UBR3: variants seen among roughly 807,000 people sequenced by gnomAD.
The protein encoded by UBR3 is E3 ubiquitin-protein ligase UBR3.
A neutral mutation model predicts 243.2 loss-of-function variants in UBR3; 85 were observed. That is an observed-to-expected ratio of 0.35 (90% confidence interval 0.29 to 0.42). The LOEUF is 0.42. Ranked by LOEUF, UBR3 falls within the 10% of genes least tolerant of loss-of-function variation. The probability of loss-of-function intolerance (pLI) is 1.00; values close to 1 mark genes in which losing one functional copy is unlikely to be tolerated. For missense variants in UBR3, 1,686 were observed against 2,300.8 expected, an observed-to-expected ratio of 0.73 and a Z score of 5.47; for synonymous variants, 748 against 799.8, an observed-to-expected ratio of 0.94 and a Z score of 1.09.
At position 169,880,903 on chromosome 2, in the gene UBR3, C is replaced by T. The variant is rs193196106; in HGVS notation, c.1038+2329C>T. Among the ~76,000 whole-genome samples the T allele has an allele frequency of 1.9e-3, 285 of 152,232 alleles. 1 individual carries two copies. The highest frequency in any genetic ancestry group is 3.3e-3 in the Non-Finnish European group (222 of 68,018). The stretch of plus-strand genomic sequence containing the variant: ...TACATTAGTTGGCTAAGGATTATGG[C>T]CTCCTGCTCCATCCATGTTCATTTC... On this transcript the variant is annotated intron_variant, in intron 5 of 38. Transcript: ENST00000272793.
intron 32 of UBR3, among the ~76,000 whole-genome samples, chr2:170,046,829 C>T (rs1435749794): frequency 1.3e-5 from 2 of 151,770 alleles, no homozygotes; most frequent in Non-Finnish European, 2.9e-5. Flanking sequence ...TTAGCATTCT[C>T]CAAAGATGAT....
At chr2:169,936,002 A>G (rs2086312668) in intron 19 of UBR3, among the ~76,000 whole-genome samples, 2 of 152,320 alleles carry the variant, frequency 1.3e-5, no homozygotes, top group Non-Finnish European at 2.9e-5. Context: ...CATTTTGAAA[A>G]TTACATTTAT....
intron 10 of UBR3, among the ~76,000 whole-genome samples, chr2:169,912,255 G>T (rs1484144541): frequency 1.3e-5 from 2 of 152,122 alleles, no homozygotes; most frequent in Non-Finnish European, 2.9e-5. Flanking sequence ...CCATTTTAAA[G>T]TGTATACTAT....
intron 1 of UBR3, among the ~76,000 whole-genome samples, chr2:169,829,445 C>T (rs1355749995): frequency 1.7e-5 from 2 of 119,342 alleles, no homozygotes; most frequent in Non-Finnish European, 3.4e-5. Context: ...TTTTTTGAGA[C>T]GGAGTTTCTC....
At chr2:170,035,500 T>C (rs2090801541) in intron 31 of UBR3, among the ~76,000 whole-genome samples, 1 of 152,012 alleles carries the variant, frequency 6.6e-6, no homozygotes, top group Admixed American at 6.6e-5. Flanking sequence ...CTGGGCTCTC[T>C]GTTCTGTTCC....
chr2:170,065,707 C>A lies in UBR3; in HGVS notation c.5019+4264C>A, dbSNP rs10497354. Among the ~76,000 whole-genome samples the A allele has an allele frequency of 3.7e-3, 569 of 152,142 alleles. 3 individuals are homozygous for A. Among genetic ancestry groups the A allele is most frequent in the African/African-American group, 0.013 (534 of 41,506 alleles). On this transcript the variant is annotated intron_variant, in intron 35 of 38. Coordinates refer to ENST00000272793, the MANE Select transcript of UBR3 (RefSeq NM_172070.4). ...TGTTACATTATCTGATTAATTTTTA[C>A]TGGCATGTACAAATACCATTGATTT...
At chr2:169,998,561 G>C (rs530612716) in intron 26 of UBR3, among the ~76,000 whole-genome samples, 1 of 152,206 alleles carries the variant, frequency 6.6e-6, no homozygotes, top group South Asian at 2.1e-4. Context: ...TATGTGTGTT[G>C]TAGATGCTTA....
chr2:169,951,488 C>A (rs565688167), intron 23 of UBR3, among the ~76,000 whole-genome samples: 20 of 152,178 alleles, frequency 1.3e-4, no homozygotes, highest in African/African-American at 3.9e-4. Context: ...GAGAGACAGA[C>A]TGGTAAACAG....
chr2:169,994,366 G>T lies in UBR3; in HGVS notation c.3828G>T (p.Pro1276=), dbSNP rs114753022. Residue 1276 remains proline, a synonymous_variant, in exon 26 of 39, where the codon CCG becomes CCT. Coordinates refer to ENST00000272793, the MANE Select transcript of UBR3 (RefSeq NM_172070.4). ...CRDNVEPKKL[P]ISEEEQIYPW... ...ACAATGTTGAGCCAAAAAAGTTGCC[G>T]ATCAGTGAAGAGGAGCAGATTTACC... 1.6e-3 allele frequency: 2,619 copies of T among 1,614,064 alleles called. 33 individuals carry two copies. In the African/African-American group the frequency reaches 0.026, roughly 16 times the overall value.
intron 36 of UBR3, chr2:170,078,331 C>T: frequency 3.7e-6 from 1 of 267,936 alleles, no homozygotes; most frequent in Non-Finnish European, 7.2e-6. Context: ...AAAATGCTCT[C>T]AATTTTTGGG....
At chr2:169,868,323 A>G (rs1170258913) in intron 1 of UBR3, among the ~76,000 whole-genome samples, 1 of 152,208 alleles carries the variant, frequency 6.6e-6, no homozygotes, top group Non-Finnish European at 1.5e-5. Flanking sequence ...TCTAAAAGAC[A>G]GGGAATTTAC....
chr2:170,065,834 A>C (rs2091554873), intron 35 of UBR3, among the ~76,000 whole-genome samples: 1 of 152,078 alleles, frequency 6.6e-6, no homozygotes, highest in South Asian at 2.1e-4. Flanking sequence ...TATAATCTGA[A>C]AATACTATAT....
chr2:169,886,246 G>A (rs1002709380), intron 5 of UBR3, among the ~76,000 whole-genome samples: 2 of 152,056 alleles, frequency 1.3e-5, no homozygotes, highest in African/African-American at 4.8e-5. Context: ...GGTAAGGGTA[G>A]GGCAGGGAAT....
intron 9 of UBR3, among the ~76,000 whole-genome samples, chr2:169,905,760 C>T (rs186431296): frequency 1.3e-5 from 2 of 152,286 alleles, no homozygotes; most frequent in East Asian, 3.9e-4. Flanking sequence ...CAACTAACAT[C>T]AATTAAAATT....
intron 35 of UBR3, among the ~76,000 whole-genome samples, chr2:170,064,535 G>A (rs896714329): frequency 6.6e-6 from 1 of 151,794 alleles, no homozygotes; most frequent in Admixed American, 6.5e-5. Flanking sequence ...TTATTTTGTG[G>A]TGTGGTATGA....
In UBR3 at chr2:169,971,095, A is replaced by G. The variant is rs958270673; in HGVS notation, c.3634+12569A>G. ...GGCTGGTGATGATGAGCATTTTTTC[A>G]TGTGTTTTTTGGCTGCATAAATGTC... is the stretch of plus-strand genomic sequence containing the variant. On this transcript the variant is annotated intron_variant, in intron 24 of 38. Coordinates refer to ENST00000272793, the MANE Select transcript of UBR3 (RefSeq NM_172070.4). 4.3e-4 allele frequency among the ~76,000 whole-genome samples: 65 copies of G among 151,952 alleles called. No individual in the cohort carries two copies. The East Asian group carries it at 0.011, about 25-fold the overall frequency.
At chr2:169,999,290 G>T (rs930005465) in intron 26 of UBR3, among the ~76,000 whole-genome samples, 9 of 152,132 alleles carry the variant, frequency 5.9e-5, no homozygotes, top group Non-Finnish European at 1.3e-4. Flanking sequence ...CAGGCCTCCT[G>T]TTGTTTTTCT....
At chr2:170,009,076 C>T in intron 29 of UBR3, 136 bp downstream of exon 29, 1 of 525,422 alleles carries the variant, frequency 1.9e-6, no homozygotes, top group East Asian at 3.7e-5. Context: ...GTTTTAGTGC[C>T]TGCTAGGATA....
chr2:170,059,697 C>T (rs961376875), intron 33 of UBR3, among the ~76,000 whole-genome samples: 6 of 151,916 alleles, frequency 3.9e-5, no homozygotes, highest in African/African-American at 9.7e-5. Context: ...GGAGAACCAC[C>T]GCAGAGTCAG....
Sources: gnomAD v4.1 joint callset for allele counts (sites outside exome capture counted in the v4.1 genomes callset) on GRCh38, gnomAD v4.1.1 for gene constraint, MANE v1.5 for transcripts, NCBI Gene and HGNC (gene_info 2026-07-23, HGNC 2026-07-21) for gene names.